Variants in CDH4 observed in about 807,000 individuals in gnomAD.
CDH4 encodes cadherin-4.
In CDH4, 33 loss-of-function variants were observed where a neutral mutation model predicts 86.0. That is an observed-to-expected ratio of 0.38 (90% CI 0.29 to 0.51). The LOEUF (loss-of-function observed/expected upper bound fraction) is 0.51. CDH4 is among the 20% of genes least tolerant of loss of function. The pLI is 0.86. For synonymous variants in CDH4, 555 were observed against 549.4 expected, an observed-to-expected ratio of 1.01 and a Z score of -0.14; for missense variants, 1,114 against 1,307.4, an observed-to-expected ratio of 0.85 and a Z score of 2.28.
intron 3 of CDH4, among the ~76,000 whole-genome samples, chr20:61,751,975 T>C (rs1053149198): frequency 1.3e-5 from 2 of 152,202 alleles, no homozygotes; most frequent in African/African-American, 2.4e-5. Flanking sequence ...TGTGGAAAGC[T>C]TCCTCGCACA....
intron 2 of CDH4, among the ~76,000 whole-genome samples, chr20:61,545,821 C>T (rs1376872697): frequency 7.4e-6 from 1 of 134,676 alleles, no homozygotes; most frequent in African/African-American, 2.9e-5. Flanking sequence ...TGCGTGTTCA[C>T]ATGTGTGTAT....
intron 2 of CDH4, among the ~76,000 whole-genome samples, chr20:61,670,609 G>A (rs575265393): frequency 5.3e-5 from 8 of 152,352 alleles, no homozygotes; most frequent in Admixed American, 5.2e-4. Context: ...CTAGGAGGAT[G>A]CTGGAAAAAG....
At chr20:61,574,942 A>G (rs1206587720) in intron 2 of CDH4, among the ~76,000 whole-genome samples, 1 of 152,172 alleles carries the variant, frequency 6.6e-6, no homozygotes, top group East Asian at 1.9e-4. Flanking sequence ...AGATAAGCTA[A>G]AGCAGTTTGC....
chr20:61,517,410 G>C lies in CDH4; in HGVS notation c.170-226153G>C, dbSNP rs1206866652. On this transcript the variant is annotated intron_variant, in intron 2 of 15. Transcript: ENST00000614565. This position sits in a 1 kb window ranked among gnomAD's most constrained non-coding sequence, Gnocchi z 6.6. ...AGGTCTCGCCGTGTTTCCCAGGCTG[G>C]TCTCAAGTGCCTGGCCTCAAGCAAT... 6.6e-6 allele frequency among the ~76,000 whole-genome samples: 1 copy of C among 152,150 alleles called. No individual in the cohort carries two copies. The highest frequency in any genetic ancestry group is 1.5e-5 in the Non-Finnish European group (1 of 68,042).
chr20:61,472,433 G>A (rs1357650174), intron 2 of CDH4, among the ~76,000 whole-genome samples: 1 of 152,092 alleles, frequency 6.6e-6, no homozygotes, highest in Non-Finnish European at 1.5e-5. Flanking sequence ...TTGTTTTGTG[G>A]TCTCTTCTTT....
At position 61,709,360 on chromosome 20, in the gene CDH4, C is replaced by T. The variant is rs1256411996; in HGVS notation, c.170-34203C>T. Among the ~76,000 whole-genome samples, 4 of 152,136 alleles carry T rather than the reference C, an allele frequency of 2.6e-5. No individual in the cohort carries two copies. The highest frequency in any genetic ancestry group is 7.2e-5 in the African/African-American group (3 of 41,432). ...GGTGATCTTGGCTCACTGCAACCTC[C>T]GCCTCCTGGGTTCAAGCAATTCTCC... On this transcript the variant is annotated intron_variant, in intron 2 of 15. Transcript: ENST00000614565. The surrounding 1 kb of genome is among the most constrained non-coding windows in gnomAD (Gnocchi z 4.8).
chr20:61,493,589 C>T (rs1465107397), intron 2 of CDH4, among the ~76,000 whole-genome samples: 1 of 152,200 alleles, frequency 6.6e-6, no homozygotes, highest in Non-Finnish European at 1.5e-5. Context: ...GGCAGCCTGT[C>T]GCTTTGTGCC....
At chr20:61,345,663 A>C (rs2084674914) in intron 2 of CDH4, among the ~76,000 whole-genome samples, 1 of 152,178 alleles carries the variant, frequency 6.6e-6, no homozygotes, top group Admixed American at 6.6e-5. Flanking sequence ...GGCAACGAGG[A>C]GGGGAACAGG....
chr20:61,296,846 G>T (rs1034064313), intron 2 of CDH4, among the ~76,000 whole-genome samples: 10 of 152,264 alleles, frequency 6.6e-5, no homozygotes, highest in Middle Eastern at 3.4e-3. Flanking sequence ...GTGGCGTCAG[G>T]TGGAAGGAGG....
chr20:61,336,806 T>C (rs2084619634), intron 2 of CDH4, among the ~76,000 whole-genome samples: 1 of 152,152 alleles, frequency 6.6e-6, no homozygotes, highest in African/African-American at 2.4e-5. Flanking sequence ...CTGCTGGACT[T>C]TACAAGGAAG....
intron 6 of CDH4, among the ~76,000 whole-genome samples, chr20:61,853,183 C>T (rs1329382868): frequency 2.6e-5 from 4 of 152,156 alleles, no homozygotes; most frequent in Admixed American, 2.6e-4. Context: ...CAGCGGTGGG[C>T]CTGGGCAGGC....
chr20:61,411,469 T>A (rs1303413414), intron 2 of CDH4, among the ~76,000 whole-genome samples: 3 of 151,632 alleles, frequency 2.0e-5, no homozygotes, highest in African/African-American at 7.3e-5. Flanking sequence ...TCATCTTTTT[T>A]ATTTTAGTTT....
chr20:61,867,643 C>G lies in CDH4; in HGVS notation c.878-6085C>G, dbSNP rs529852435. Among the ~76,000 whole-genome samples the G allele has an allele frequency of 2.0e-5, 3 of 152,054 alleles. No homozygotes were observed. In the South Asian group the frequency reaches 6.2e-4, roughly 32 times the overall value. ...GTGCTCATCACATTTTCCTCCTCCC[C>G]CCAGGCCCCTCCTCCTGTGCCCTGG... On this transcript the variant is annotated intron_variant, in intron 6 of 15. Coordinates refer to ENST00000614565, the MANE Select transcript of CDH4 (RefSeq NM_001794.5).
intron 7 of CDH4, among the ~76,000 whole-genome samples, chr20:61,882,247 G>A (rs1166144526): frequency 2.6e-5 from 4 of 152,230 alleles, no homozygotes; most frequent in African/African-American, 7.2e-5. Flanking sequence ...CCATTTGCAC[G>A]TGGGCGGTGC....
chr20:61,468,379 T>C (rs1243700506), intron 2 of CDH4, among the ~76,000 whole-genome samples: 6 of 152,230 alleles, frequency 3.9e-5, no homozygotes, highest in Non-Finnish European at 4.4e-5. Flanking sequence ...TCTTTCTCTT[T>C]CTTTCTTTGG....
At chr20:61,921,168 T>G (rs2054978332) in intron 9 of CDH4, among the ~76,000 whole-genome samples, 2 of 150,070 alleles carry the variant, frequency 1.3e-5, no homozygotes, top group Admixed American at 6.6e-5. Context: ...GGAAGCGTGG[T>G]GTCACAGTGA....
chr20:61,629,954 T>C (rs1163405330), intron 2 of CDH4, among the ~76,000 whole-genome samples: 9 of 152,180 alleles, frequency 5.9e-5, no homozygotes, highest in Admixed American at 5.9e-4. Flanking sequence ...ACATGACCTG[T>C]GGCTCGGAGG....
intron 2 of CDH4, among the ~76,000 whole-genome samples, chr20:61,304,438 T>A (rs1484204944): frequency 1.3e-5 from 2 of 152,216 alleles, no homozygotes; most frequent in Non-Finnish European, 2.9e-5. Context: ...GGTTGGCTTC[T>A]CTAAACGATG....
chr20:61,886,995 C>T (rs1984573273), intron 7 of CDH4, among the ~76,000 whole-genome samples: 1 of 152,068 alleles, frequency 6.6e-6, no homozygotes, highest in Admixed American at 6.5e-5. Context: ...TCGAAACCTC[C>T]AGCCAAGCCA....
Sources: allele counts gnomAD v4.1 joint callset (sites outside exome capture counted in the v4.1 genomes callset), GRCh38; gene constraint gnomAD v4.1.1; non-coding constraint Gnocchi (gnomAD v3.1); transcripts MANE v1.5; gene names NCBI Gene and HGNC (gene_info 2026-07-23, HGNC 2026-07-21).